Variants in WDFY3 observed in about 807,000 individuals in gnomAD.
The protein encoded by WDFY3 is WD repeat and FYVE domain containing 3.
Under a neutral mutation model 409.6 loss-of-function variants are expected in WDFY3, and 66 were observed. The ratio of observed to expected loss-of-function variants is 0.16; its 90% confidence interval spans 0.13 to 0.20. The LOEUF (loss-of-function observed/expected upper bound fraction) is 0.20. Ranked by LOEUF, WDFY3 falls within the 10% of genes least tolerant of loss-of-function variation. The pLI is 1.00. For synonymous variants in WDFY3, 1,521 were observed against 1,537.1 expected, an observed-to-expected ratio of 0.99 and a Z score of 0.25; for missense variants, 3,031 against 4,298.1, an observed-to-expected ratio of 0.71 and a Z score of 8.24.
chr4:84,852,409 A>C (rs1411199946), intron 4 of WDFY3, among the ~76,000 whole-genome samples: 1 of 152,246 alleles, frequency 6.6e-6, no homozygotes, highest in African/African-American at 2.4e-5. Flanking sequence ...ATTACTGCAT[A>C]ATATAAACAA....
intron 36 of WDFY3, among the ~76,000 whole-genome samples, chr4:84,744,031 C>A (rs1738903432): frequency 6.7e-6 from 1 of 149,188 alleles, no homozygotes; most frequent in Non-Finnish European, 1.5e-5. Context: ...TCTTTTGAAT[C>A]CATTATTTAA....
At chr4:84,691,141 G>A (rs1287704696) in intron 60 of WDFY3, among the ~76,000 whole-genome samples, 6 of 152,134 alleles carry the variant, frequency 3.9e-5, no homozygotes, top group Non-Finnish European at 5.9e-5. Context: ...CAAACACAGG[G>A]CACTAAAGGA....
intron 53 of WDFY3, among the ~76,000 whole-genome samples, chr4:84,706,343 T>G (rs1424872836): frequency 6.6e-6 from 1 of 152,174 alleles, no homozygotes; most frequent in Non-Finnish European, 1.5e-5. Flanking sequence ...TCTCAAAGTT[T>G]ATATGTAAAG....
intron 3 of WDFY3, among the ~76,000 whole-genome samples, chr4:84,873,143 T>TGAC (rs1762350786): frequency 2.0e-5 from 3 of 152,216 alleles, no homozygotes; most frequent in Non-Finnish European, 4.4e-5. Context: ...AATACATATA[T>TGAC]AGTTTACCTG....
intron 5 of WDFY3, chr4:84,844,388 T>C (rs2869216): frequency 0.59 from 736,364 of 1,256,536 alleles, 222,545 homozygotes; most frequent in South Asian, 0.67. Flanking sequence ...AAAACAATAT[T>C]AGAACTCACA....
chr4:84,806,923 T>C (rs1022484561), intron 15 of WDFY3, among the ~76,000 whole-genome samples: 3 of 152,216 alleles, frequency 2.0e-5, no homozygotes, highest in Non-Finnish European at 4.4e-5. Flanking sequence ...ATGTATTTTT[T>C]TAAGTATCCT....
rs530663761 is a variant in WDFY3 at position 84,703,999 on chromosome 4, T to C, written c.8442+339A>G. On this transcript the variant is annotated intron_variant, in intron 55 of 67. Coordinates refer to ENST00000295888, the MANE Select transcript of WDFY3 (RefSeq NM_014991.6). Reference sequence around the variant, plus strand: ...TTTGCTGAATAAATGAATGAGAATGTACAGAAAAGCAATTATAATCGAGGA... The same window carrying C: ...TTTGCTGAATAAATGAATGAGAATGCACAGAAAAGCAATTATAATCGAGGA... 5.3e-5 allele frequency among the ~76,000 whole-genome samples: 8 copies of C among 152,322 alleles called. No individual in the cohort carries two copies. In the South Asian group the frequency reaches 6.2e-4, roughly 12 times the overall value.
At chr4:84,938,490 C>T (rs1021912465) in intron 1 of WDFY3, among the ~76,000 whole-genome samples, 1 of 152,136 alleles carries the variant, frequency 6.6e-6, no homozygotes, top group Non-Finnish European at 1.5e-5. Context: ...TTCTTTCCCA[C>T]TAACTGCTGT....
chr4:84,703,509 A>C (rs967017137), intron 55 of WDFY3, among the ~76,000 whole-genome samples: 2 of 151,826 alleles, frequency 1.3e-5, no homozygotes, highest in Admixed American at 1.3e-4. Context: ...TCCTTGTCGA[A>C]CTCTTCCCCT....
chr4:84,950,820 T>C (rs1429015514), intron 1 of WDFY3, among the ~76,000 whole-genome samples: 1 of 152,132 alleles, frequency 6.6e-6, no homozygotes, highest in East Asian at 1.9e-4. Context: ...GCACACAAAG[T>C]AGACACTGAA....
At chr4:84,910,954 A>G (rs1475776384) in intron 2 of WDFY3, among the ~76,000 whole-genome samples, 1 of 151,662 alleles carries the variant, frequency 6.6e-6, no homozygotes, top group African/African-American at 2.4e-5. Context: ...TCCTGACCTC[A>G]GGTGATCCAC....
chr4:84,877,145 G>A (rs1454609906), intron 3 of WDFY3, among the ~76,000 whole-genome samples: 1 of 152,142 alleles, frequency 6.6e-6, no homozygotes, highest in Non-Finnish European at 1.5e-5. Context: ...TCTAGCCCCT[G>A]CATAGGCCTG....
At chr4:84,960,823 T>C (rs543163319) in intron 1 of WDFY3, among the ~76,000 whole-genome samples, 1 of 152,306 alleles carries the variant, frequency 6.6e-6, no homozygotes, top group South Asian at 2.1e-4. Flanking sequence ...TCTGAATGAA[T>C]GATATCTTAT....
chr4:84,741,974 G>A, intron 37 of WDFY3, 53 bp from the exon 38 acceptor site: 1 of 1,463,632 alleles, frequency 6.8e-7, no homozygotes, highest in South Asian at 1.4e-5. Flanking sequence ...ACCAACACAG[G>A]ACCAGATCCT....
chr4:84,733,426 G>A lies in WDFY3; in HGVS notation c.7177C>T (p.His2393Tyr). 1 of 1,614,124 alleles carries A rather than the reference G, an allele frequency of 6.2e-7. No homozygotes were observed. The highest frequency in any genetic ancestry group is 8.5e-7 in the Non-Finnish European group (1 of 1,180,032). Residue 2393 changes from histidine to tyrosine, a missense_variant, in exon 44 of 68, where the codon CAT becomes TAT. Around this residue, in one of 16 missense-constraint regions of WDFY3, gnomAD observed 98 missense variants for 194.9 expected, o/e 0.50. Transcript: ENST00000295888. ...KMVRNDMFYN[H>Y]YPYVPETEQE... Reference sequence around the variant, plus strand: ...TCAGTTTCTGGCACGTAAGGGTAATGGTTATAAAACATATCATTTCGCACC... The same window carrying A: ...TCAGTTTCTGGCACGTAAGGGTAATAGTTATAAAACATATCATTTCGCACC...
intron 32 of WDFY3, among the ~76,000 whole-genome samples, chr4:84,759,671 C>T (rs1742158443): frequency 6.7e-6 from 1 of 148,950 alleles, no homozygotes; most frequent in African/African-American, 2.5e-5. Flanking sequence ...TGAGACTTTG[C>T]TGAAGTTGCT....
Position 84,778,643 on chromosome 4 carries a change from A to T in WDFY3, c.4378T>A (p.Leu1460Met). 1 of 1,605,094 alleles carries T rather than the reference A, an allele frequency of 6.2e-7. No homozygotes were observed. Among genetic ancestry groups the T allele is most frequent in the Non-Finnish European group, 8.5e-7 (1 of 1,177,728 alleles). The change falls in exon 27 of 68, where the codon TTG becomes ATG. Residue 1460 changes from leucine to methionine, a missense_variant. By Grantham distance (15) the Leu-to-Met change is conservative. Around this residue, in one of 16 missense-constraint regions of WDFY3, gnomAD observed 55 missense variants for 124.1 expected, o/e 0.44. Transcript: ENST00000295888. ...RIKGYQLLAMLLKKKRSLLNS... is the reference protein window; with the variant it reads ...RIKGYQLLAMMLKKKRSLLNS... ...AGAAGGGAACGTTTCTTCTTAAGCA[A>T]CATTGCCAGCAACTACAAGAAAGTA...
intron 2 of WDFY3, among the ~76,000 whole-genome samples, chr4:84,918,738 AT>A: frequency 6.6e-6 from 1 of 151,946 alleles, no homozygotes; most frequent in Non-Finnish European, 1.5e-5. Flanking sequence ...GAAAAAAAAA[AT>A]ACCCATATTC....
chr4:84,734,243 T>A (rs1269646495), intron 43 of WDFY3, among the ~76,000 whole-genome samples: 1 of 152,146 alleles, frequency 6.6e-6, no homozygotes, highest in South Asian at 2.1e-4. Context: ...ATCTATCAAA[T>A]GACAAATATA....
Sources: gnomAD v4.1 joint callset for allele counts (sites outside exome capture counted in the v4.1 genomes callset) on GRCh38, gnomAD v4.1.1 for gene constraint, gnomAD v4.1.1 regional missense constraint, MANE v1.5 for transcripts, NCBI Gene and HGNC (gene_info 2026-07-23, HGNC 2026-07-21) for gene names.